Variants in PPP1R16A observed in about 807,000 individuals in gnomAD.
PPP1R16A encodes the protein myosin phosphatase-targeting subunit 3.
PPP1R16A carries 39 observed loss-of-function variants against 46.6 expected under a neutral mutation model. The ratio of observed to expected loss-of-function variants is 0.84; its 90% CI spans 0.65 to 1.09. The LOEUF (loss-of-function observed/expected upper bound fraction) is 1.09. Among genes scored for constraint, PPP1R16A ranks in the 50% least tolerant of loss-of-function variants. The probability of loss-of-function intolerance (pLI) is 0.00; values close to 1 mark genes in which losing one functional copy is unlikely to be tolerated. For missense variants in PPP1R16A, 798 were observed against 735.6 expected, an observed-to-expected ratio of 1.08 and a Z score of -0.98; for synonymous variants, 413 against 321.5, an observed-to-expected ratio of 1.28 and a Z score of -3.04.
chr8:144,478,186 C>T (rs1825253692), intron 1 of PPP1R16A, 59 bp downstream of exon 1: 1 of 393,360 alleles, frequency 2.5e-6, no homozygotes, highest in Non-Finnish European at 4.5e-6. Flanking sequence ...GGGGCCCCGG[C>T]CAGGGAGAGC....
chr8:144,500,292 C>G lies in PPP1R16A; in HGVS notation c.606C>G (p.Ala202=), dbSNP rs565685352. The change falls in exon 7 of 12, where the codon GCC becomes GCG. Residue 202 remains alanine (A), a synonymous_variant. Coordinates refer to ENST00000435887, the MANE Select transcript of PPP1R16A (RefSeq NM_001329443.2). ...GCATCACCCAGGACAGCATCGAGGC[C>G]GCCCGGGCCGTGCCAGAACTGCGCA... The part of the protein sequence containing the change: ...DRGITQDSIE[A]ARAVPELRML... 6.1e-5 allele frequency: 94 copies of G among 1,546,544 alleles called. No individual in the cohort carries two copies. The African/African-American group carries it at 1.2e-3, about 20-fold the overall frequency.
intron 1 of PPP1R16A, among the ~76,000 whole-genome samples, chr8:144,482,949 T>C: frequency 6.7e-6 from 1 of 149,180 alleles, no homozygotes; most frequent in African/African-American, 2.5e-5. Flanking sequence ...CCCGGCTTAT[T>C]TTTTTGTATT....
At chr8:144,494,253 T>A (rs149242894) in intron 2 of PPP1R16A, among the ~76,000 whole-genome samples, 5,333 of 150,654 alleles carry the variant, frequency 0.035, 169 homozygotes, top group Non-Finnish European at 0.051. Flanking sequence ...ATTACAGGTA[T>A]GAGCCACTGT....
intron 2 of PPP1R16A, 139 bp downstream of exon 2, chr8:144,490,351 A>G (rs772707649): frequency 5.3e-5 from 8 of 152,246 alleles, no homozygotes; most frequent in Non-Finnish European, 1.0e-4. Flanking sequence ...TACTAAAGAT[A>G]CAAAAATTAG....
chr8:144,489,408 G>A (rs1306710146), intron 1 of PPP1R16A, among the ~76,000 whole-genome samples: 3 of 145,668 alleles, frequency 2.1e-5, no homozygotes, highest in Non-Finnish European at 4.5e-5. Flanking sequence ...AGGGGGGTTT[G>A]TCTGGGAGGG....
In PPP1R16A at chr8:144,499,360, C is replaced by T. The variant is rs187837384; in HGVS notation, c.476+299C>T. ...GTCTTGGTCAGTGAGGAGGGCAGAA[C>T]TGCTAAGGAGGGAAGCAGAGTGAGG... On this transcript the variant is annotated intron_variant, in intron 5 of 11. Transcript: ENST00000435887. 2,351 of 434,200 alleles carry T rather than the reference C, an allele frequency of 5.4e-3. 99 individuals are homozygous for T. In the Admixed American group the frequency reaches 0.084, roughly 16 times the overall value. The allele number at this position is 434,200 out of a possible 1,614,324, so 26.9% of individuals were successfully genotyped here.
At chr8:144,495,273 C>A (rs2130421399) in intron 2 of PPP1R16A, among the ~76,000 whole-genome samples, 1 of 152,228 alleles carries the variant, frequency 6.6e-6, no homozygotes, top group East Asian at 1.9e-4. Flanking sequence ...TGGCCCAGGA[C>A]AGTTCCCTTT....
In PPP1R16A at chr8:144,500,365, G is replaced by GC. The variant is rs1315376411; in HGVS notation, c.685dup (p.Leu229ProfsTer33). 1.3e-6 allele frequency: 2 copies of GC among 1,533,558 alleles called. No individual in the cohort carries two copies. Among genetic ancestry groups the GC allele is most frequent in the Non-Finnish European group, 1.7e-6 (2 of 1,145,622 alleles). The allele number at this position is 1,533,558 out of a possible 1,614,324, so 95.0% of individuals were successfully genotyped here. ...GCTGCAGGCCGGGGCAGACCTCCAT[G>GC]CCCCCCTGGACCACGGGGCCACGCT... On this transcript the variant is annotated frameshift_variant, in exon 7 of 12. Transcript: ENST00000435887. LOFTEE classifies it high-confidence loss of function.
chr8:144,485,729 G>A (rs1355752493), intron 1 of PPP1R16A, among the ~76,000 whole-genome samples: 1 of 152,116 alleles, frequency 6.6e-6, no homozygotes, highest in Non-Finnish European at 1.5e-5. Context: ...CTGTGTGTGT[G>A]TGGTTTAGTT....
intron 3 of PPP1R16A, 98 bp downstream of exon 3, chr8:144,497,551 C>T: frequency 6.5e-7 from 1 of 1,530,458 alleles, no homozygotes. Flanking sequence ...GGCCTGTCCA[C>T]AGCTCCTGGG....
In PPP1R16A at chr8:144,501,161, G is replaced by A. The variant is rs1826431740; in HGVS notation, c.1070G>A (p.Arg357His). The A allele has an allele frequency of 1.2e-6, 2 of 1,610,796 alleles. No homozygotes were observed. Among genetic ancestry groups the A allele is most frequent in the Non-Finnish European group, 1.7e-6 (2 of 1,179,662 alleles). Residue 357 changes from arginine (R) to histidine (H), a missense_variant, in exon 11 of 12, where the codon CGC becomes CAC. Transcript: ENST00000435887. ...GTGAGGCGGGTGAGCCTAACCCAGC[G>A]CACCGACCTGTACCGCAAGCAGCAC... ...KVVRRVSLTQ[R>H]TDLYRKQHAQ...
chr8:144,501,106 T>TCCCTCTC, intron 10 of PPP1R16A, 23 bp from the exon 11 acceptor site: 1 of 1,607,966 alleles, frequency 6.2e-7, no homozygotes, highest in Non-Finnish European at 8.5e-7. Context: ...TTCCCCTCAC[T>TCCCTCTC]CCCTCTCCTC....
rs1826117388 is a variant in PPP1R16A, at chr8:144,497,230, C to T, written c.36C>T (p.Pro12=). 6.3e-7 allele frequency: 1 copy of T among 1,599,426 alleles called. No individual in the cohort carries two copies. The highest frequency in any genetic ancestry group is 2.3e-5 in the East Asian group (1 of 44,114). The change falls in exon 3 of 12, where the codon CCC becomes CCT. Residue 12 remains proline, a synonymous_variant. Coordinates refer to ENST00000435887, the MANE Select transcript of PPP1R16A (RefSeq NM_001329443.2). ...ACCTGGAGCTGCTGGCAGAGATGCCCATGGTGGGCAGGATGAGCACACAGG... is the reference window on the plus strand; with the variant it reads ...ACCTGGAGCTGCTGGCAGAGATGCCTATGGTGGGCAGGATGAGCACACAGG... ...AEHLELLAEM[P]MVGRMSTQER...
intron 1 of PPP1R16A, among the ~76,000 whole-genome samples, chr8:144,484,207 T>C (rs966569248): frequency 4.6e-5 from 7 of 152,250 alleles, no homozygotes; most frequent in African/African-American, 1.7e-4. Flanking sequence ...CCGAAAGGTC[T>C]GTGTCTCTGT....
In PPP1R16A at chr8:144,502,060, T is replaced by C. The variant is rs79355846; in HGVS notation, c.*157T>C. ...AGGTCAGAAGACATGCCTGGAGGGA[T>C]GTCTGGCTGCAAAGACTATTTTTAT... is the stretch of plus-strand genomic sequence containing the variant. On this transcript the variant is annotated 3_prime_UTR_variant, in exon 12 of 12. Transcript: ENST00000435887. 5.7e-3 allele frequency: 3,863 copies of C among 681,084 alleles called. 151 individuals carry two copies. In the Admixed American group the frequency reaches 0.087, roughly 15 times the overall value. 42.2% of individuals were successfully genotyped at this position (681,084 alleles called of 1,614,324 possible).
At chr8:144,490,973 C>T (rs372404745) in intron 2 of PPP1R16A, among the ~76,000 whole-genome samples, 7 of 151,618 alleles carry the variant, frequency 4.6e-5, no homozygotes, top group African/African-American at 9.7e-5. Flanking sequence ...GTGGGAGGAT[C>T]GCTGGACCCC....
In PPP1R16A at chr8:144,496,792, C is replaced by T. The variant is rs529901899; in HGVS notation, c.-403C>T. ...CTGGTTGGCCCTGCCCTCCCTTCCC[C>T]CTCAGCAGGGTGCCCGGAAGCTGGA... On this transcript the variant is annotated 5_prime_UTR_variant, in exon 3 of 12. Transcript: ENST00000435887. 1.8e-4 allele frequency: 49 copies of T among 275,516 alleles called. No homozygotes were observed. Among genetic ancestry groups the T allele is most frequent in the African/African-American group, 7.4e-4 (34 of 46,074 alleles). 17.1% of individuals were successfully genotyped at this position (275,516 alleles called of 1,614,324 possible).
intron 2 of PPP1R16A, among the ~76,000 whole-genome samples, chr8:144,491,108 A>G (rs111325352): frequency 0.032 from 4,891 of 152,038 alleles, 239 homozygotes; most frequent in African/African-American, 0.1. Flanking sequence ...TGTATGTAAC[A>G]CCTTTAGCCA....
chr8:144,500,573 C>T lies in PPP1R16A; in HGVS notation c.792C>T (p.Asp264=), dbSNP rs756087551. 3.8e-6 allele frequency: 6 copies of T among 1,598,314 alleles called. No homozygotes were observed. The highest frequency in any genetic ancestry group is 2.2e-5 in the East Asian group (1 of 44,820). The part of the protein sequence containing the change: ...HRASLSAKDQ[D]GWEPLHAAAY... Reference sequence around the variant, plus strand: ...CCAGCCTGAGCGCTAAGGACCAAGACGGCTGGGAGCCGCTGCACGCCGCGG... The same window carrying T: ...CCAGCCTGAGCGCTAAGGACCAAGATGGCTGGGAGCCGCTGCACGCCGCGG... The change falls in exon 8 of 12, where the codon GAC becomes GAT. Residue 264 remains aspartate (D), a synonymous_variant. Transcript: ENST00000435887.
Sources: gnomAD v4.1 joint callset for allele counts (sites outside exome capture counted in the v4.1 genomes callset) on GRCh38, gnomAD v4.1.1 for gene constraint, MANE v1.5 for transcripts, NCBI Gene and HGNC (gene_info 2026-07-23, HGNC 2026-07-21) for gene names.